NXPE4: variants seen among roughly 807,000 people sequenced by gnomAD.
NXPE4 encodes neurexophilin and PC-esterase domain family member 4.
NXPE4 carries 42 observed loss-of-function variants against 33.3 expected under a neutral mutation model. The ratio of observed to expected loss-of-function variants is 1.26; its 90% CI spans 0.98 to 1.63. The LOEUF is 1.63. NXPE4 is among the 40% of genes most tolerant of loss of function. The pLI, the probability that NXPE4 is intolerant of heterozygous loss-of-function variation, is 0.00. For missense variants in NXPE4, 709 were observed against 647.6 expected (o/e 1.09, Z -1.03); for synonymous variants, 253 against 234.9 (o/e 1.08, Z -0.71).
At chr11:114,614,202 A>G in the NXPE4 span, among the ~76,000 whole-genome samples, 1 of 140,280 alleles carries the variant, frequency 7.1e-6, no homozygotes, top group Non-Finnish European at 1.5e-5. Flanking sequence ...CCACCATGTA[A>G]TGTTAATGGA....
chr11:114,602,734 ATAAT>A, the NXPE4 span, among the ~76,000 whole-genome samples: 15 of 144,438 alleles, frequency 1.0e-4, no homozygotes, highest in African/African-American at 1.5e-4. Flanking sequence ...TATCTCATAT[ATAAT>A]TAAAGAATCA....
the NXPE4 span, among the ~76,000 whole-genome samples, chr11:114,648,982 A>T: frequency 6.6e-6 from 1 of 152,232 alleles, no homozygotes. Flanking sequence ...CACACAATAC[A>T]AATATATTTT....
the NXPE4 span, among the ~76,000 whole-genome samples, chr11:114,655,404 C>T: frequency 5.3e-5 from 8 of 152,208 alleles, no homozygotes; most frequent in African/African-American, 7.2e-5. Context: ...TGGATCATGC[C>T]TGTGTCTTGA....
the NXPE4 span, among the ~76,000 whole-genome samples, chr11:114,617,610 C>A: frequency 6.6e-6 from 1 of 152,002 alleles, no homozygotes; most frequent in South Asian, 2.1e-4. Context: ...ATAAGTGTTG[C>A]CTTTAGGGTA....
At chr11:114,612,639 C>T in the NXPE4 span, among the ~76,000 whole-genome samples, 7,425 of 151,864 alleles carry the variant, frequency 0.049, 603 homozygotes, top group African/African-American at 0.17. Flanking sequence ...AGTATTGCCT[C>T]GTGGGTAACC....
At chr11:114,614,064 C>A in the NXPE4 span, among the ~76,000 whole-genome samples, 1 of 151,348 alleles carries the variant, frequency 6.6e-6, no homozygotes, top group African/African-American at 2.4e-5. Context: ...ATAAGTGTCG[C>A]CTCATGCATA....
At chr11:114,636,412 A>G in the NXPE4 span, among the ~76,000 whole-genome samples, 3 of 152,032 alleles carry the variant, frequency 2.0e-5, no homozygotes, top group Non-Finnish European at 4.4e-5. Context: ...TCAAAAAACC[A>G]GCTCCTGGAT....
At chr11:114,614,538 C>A in the NXPE4 span, among the ~76,000 whole-genome samples, 1 of 151,644 alleles carries the variant, frequency 6.6e-6, no homozygotes, top group East Asian at 2.0e-4. Context: ...ACCAGTGTTA[C>A]CCAGTGGATA....
upstream of NXPE4, among the ~76,000 whole-genome samples, chr11:114,598,146 T>C (rs1158130458): frequency 6.6e-6 from 1 of 152,196 alleles, no homozygotes; most frequent in African/African-American, 2.4e-5. Flanking sequence ...AGCTACAGGC[T>C]TCATGCAAGT....
chr11:114,633,135 T>G, the NXPE4 span, among the ~76,000 whole-genome samples: 1 of 126,246 alleles, frequency 7.9e-6, no homozygotes, highest in Non-Finnish European at 1.5e-5. Flanking sequence ...TTATATTTCA[T>G]ATATTATTTT....
At chr11:114,597,396 T>A (rs922082058), upstream of NXPE4, among the ~76,000 whole-genome samples, 1 of 152,180 alleles carries the variant, frequency 6.6e-6, no homozygotes, top group African/African-American at 2.4e-5. Flanking sequence ...ATAGAAAATA[T>A]TTTCGGAGAA....
chr11:114,619,304 A>G, the NXPE4 span, among the ~76,000 whole-genome samples: 1 of 152,152 alleles, frequency 6.6e-6, no homozygotes, highest in Non-Finnish European at 1.5e-5. Flanking sequence ...GTGGGTAACC[A>G]CTGTTCCCCG....
the NXPE4 span, among the ~76,000 whole-genome samples, chr11:114,673,756 A>G: frequency 6.6e-6 from 1 of 151,820 alleles, no homozygotes; most frequent in African/African-American, 2.4e-5. Flanking sequence ...AAAGAGCTGT[A>G]ATTTCATAAC....
the NXPE4 span, among the ~76,000 whole-genome samples, chr11:114,664,594 C>G: frequency 1.3e-5 from 2 of 152,278 alleles, no homozygotes; most frequent in Non-Finnish European, 2.9e-5. Flanking sequence ...CTTGAAAGTA[C>G]AGATTCCTTA....
At chr11:114,641,466 A>G in the NXPE4 span, among the ~76,000 whole-genome samples, 2 of 152,092 alleles carry the variant, frequency 1.3e-5, no homozygotes, top group Non-Finnish European at 2.9e-5. Flanking sequence ...ATGAATAACA[A>G]TGAAAGTACT....
At chr11:114,620,566 C>T in the NXPE4 span, among the ~76,000 whole-genome samples, 188 of 151,668 alleles carry the variant, frequency 1.2e-3, no homozygotes, top group East Asian at 9.2e-3. Context: ...ACCACTGTTA[C>T]GCGGTGGATA....
the NXPE4 span, among the ~76,000 whole-genome samples, chr11:114,623,182 G>C: frequency 6.6e-6 from 1 of 151,890 alleles, no homozygotes; most frequent in African/African-American, 2.4e-5. Context: ...AATAATTATT[G>C]CCTCTAGGGT....
chr11:114,606,697 G>A, the NXPE4 span, among the ~76,000 whole-genome samples: 16 of 151,884 alleles, frequency 1.1e-4, no homozygotes, highest in Admixed American at 4.6e-4. Context: ...ACTGTTACCC[G>A]GAGGGTAATA....
At chr11:114,637,396 A>T in the NXPE4 span, among the ~76,000 whole-genome samples, 1 of 152,022 alleles carries the variant, frequency 6.6e-6, no homozygotes, top group Admixed American at 6.6e-5. Flanking sequence ...CAGCACACTA[A>T]TGGGTCTTGA....
Sources: gnomAD v4.1 joint callset for allele counts (sites outside exome capture counted in the v4.1 genomes callset) on GRCh38, gnomAD v4.1.1 for gene constraint, MANE v1.5 for transcripts, NCBI Gene and HGNC (gene_info 2026-07-23, HGNC 2026-07-21) for gene names.